ADGRV1: variants seen among roughly 807,000 people sequenced by gnomAD.
ADGRV1 encodes the protein adhesion G protein-coupled receptor V1, also known as G-protein coupled receptor 98.
ADGRV1 carries 359 observed loss-of-function variants against 596.2 expected under a neutral mutation model. The ratio of observed to expected loss-of-function variants is 0.60; its 90% CI spans 0.55 to 0.66. The LOEUF (loss-of-function observed/expected upper bound fraction) is 0.66. Ranked by LOEUF, ADGRV1 falls within the 30% of genes least tolerant of loss-of-function variation. ADGRV1 has a pLI of 0.00. For missense variants in ADGRV1, 7,274 were observed against 7,575.6 expected, an observed-to-expected ratio of 0.96 and a Z score of 1.48; for synonymous variants, 2,681 against 2,679.2, an observed-to-expected ratio of 1.00 and a Z score of -0.02.
chr5:90,749,743 A>G (rs571088592), intron 52 of ADGRV1, among the ~76,000 whole-genome samples: 1 of 152,342 alleles, frequency 6.6e-6, no homozygotes, highest in South Asian at 2.1e-4. Context: ...TTTGAGGAAC[A>G]GTTCATGAAA....
At chr5:90,567,532 T>A (rs1262313675) in intron 1 of ADGRV1, among the ~76,000 whole-genome samples, 1 of 152,110 alleles carries the variant, frequency 6.6e-6, no homozygotes. Flanking sequence ...TTTGAGTCAA[T>A]TTTGGATGTT....
At chr5:90,900,313 A>G (rs1405835212) in intron 83 of ADGRV1, among the ~76,000 whole-genome samples, 1 of 150,954 alleles carries the variant, frequency 6.6e-6, no homozygotes, top group East Asian at 1.9e-4. Flanking sequence ...ACTTCTGCTT[A>G]TAGACCATTG....
At chr5:90,652,684 A>T in intron 19 of ADGRV1, 121 bp downstream of exon 19, 1 of 620,076 alleles carries the variant, frequency 1.6e-6, no homozygotes, top group Non-Finnish European at 2.7e-6. Flanking sequence ...TTGTGTCATG[A>T]CTATCTGATT....
chr5:90,862,521 A>G (rs1362120010), intron 82 of ADGRV1, among the ~76,000 whole-genome samples: 2 of 152,168 alleles, frequency 1.3e-5, no homozygotes, highest in Non-Finnish European at 2.9e-5. Flanking sequence ...AGTAGTATAT[A>G]GACTACCTAA....
intron 89 of ADGRV1, among the ~76,000 whole-genome samples, chr5:91,155,499 T>C (rs1480881416): frequency 6.6e-6 from 1 of 152,226 alleles, no homozygotes; most frequent in Non-Finnish European, 1.5e-5. Flanking sequence ...CTCCCTTAGC[T>C]ATTCATAGTC....
rs371550135 is a variant in ADGRV1 at position 91,157,071 on chromosome 5, A to C, written c.18802+3673A>C. ...TTGGACATGAGCTCTTCCACTGTCT[A>C]GTGCCTACTAGGCCCATGTCACTGG... On this transcript the variant is annotated intron_variant, in intron 89 of 89. Transcript: ENST00000405460. Among the ~76,000 whole-genome samples the C allele has an allele frequency of 1.1e-4, 17 of 152,310 alleles. No individual in the cohort carries two copies. The East Asian group carries it at 3.3e-3, about 29-fold the overall frequency.
Position 91,102,271 on chromosome 5 carries a change from G to C in ADGRV1, c.18363G>C (p.Trp6121Cys). ...CTCTGATTTCCGTGACATGGCTTTG[G>C]GGAGGACTACACATGGCCTACAGAC... ...LFALISVTWL[W>C]GGLHMAYRHF... Residue 6121 changes from tryptophan to cysteine, a missense_variant, in exon 87 of 90, where the codon TGG (tryptophan) becomes TGC (cysteine). Trp to Cys is a radical substitution (Grantham distance 215). This residue lies in a region of ADGRV1 where 1,874 missense variants were observed against 1,970.2 expected (regional missense o/e 0.95). Transcript: ENST00000405460. 1 of 1,610,774 alleles carries C rather than the reference G, an allele frequency of 6.2e-7. No individual in the cohort carries two copies. The highest frequency in any genetic ancestry group is 1.1e-5 in the South Asian group (1 of 90,618).
At chr5:90,716,829 T>A in intron 43 of ADGRV1, 100 bp downstream of exon 43, 1 of 815,610 alleles carries the variant, frequency 1.2e-6, no homozygotes, top group Non-Finnish European at 1.9e-6. Context: ...GAAAAAACAA[T>A]ACTTCCAGCT....
At chr5:91,132,304 T>C (rs946643376) in intron 87 of ADGRV1, among the ~76,000 whole-genome samples, 4 of 152,340 alleles carry the variant, frequency 2.6e-5, no homozygotes, top group Admixed American at 6.5e-5. Context: ...TCCTTGGAAT[T>C]TTTTTATAAA....
At chr5:90,771,833 T>A (rs1401981687) in intron 59 of ADGRV1, among the ~76,000 whole-genome samples, 1 of 152,202 alleles carries the variant, frequency 6.6e-6, no homozygotes, top group Non-Finnish European at 1.5e-5. Flanking sequence ...TTGAGCTAAG[T>A]AGGCTCTTTC....
chr5:90,668,977 T>C (rs920578775), intron 21 of ADGRV1, among the ~76,000 whole-genome samples: 1 of 152,224 alleles, frequency 6.6e-6, no homozygotes, highest in Non-Finnish European at 1.5e-5. Context: ...ATTATACATT[T>C]CTTAGTGTCT....
intron 83 of ADGRV1, among the ~76,000 whole-genome samples, chr5:90,888,262 A>T (rs573903387): frequency 4.6e-5 from 7 of 152,302 alleles, no homozygotes; most frequent in South Asian, 2.1e-4. Flanking sequence ...ACTGACTACC[A>T]TATAACTCTG....
intron 83 of ADGRV1, among the ~76,000 whole-genome samples, chr5:90,894,645 A>G (rs1771128843): frequency 6.6e-6 from 1 of 152,162 alleles, no homozygotes; most frequent in South Asian, 2.1e-4. Flanking sequence ...GACTTCCCAG[A>G]CTCCAGTGAG....
intron 1 of ADGRV1, among the ~76,000 whole-genome samples, chr5:90,598,996 C>A (rs1580404543): frequency 2.0e-5 from 3 of 152,032 alleles, no homozygotes; most frequent in African/African-American, 4.8e-5. Context: ...AACAAAAAAA[C>A]CCACCAAATC....
At chr5:90,851,134 T>TGTGTGTGTGAGAGAGAGAGAGAGA (rs757909771) in intron 79 of ADGRV1, among the ~76,000 whole-genome samples, 26 of 81,496 alleles carry the variant, frequency 3.2e-4, no homozygotes, top group Admixed American at 5.6e-4. Context: ...TGTGTGTGTG[T>TGTGTGTGTGAGAGAGAGAGAGAGA]GAGAGAGAGA....
At chr5:91,025,331 A>C (rs1015861698) in intron 85 of ADGRV1, among the ~76,000 whole-genome samples, 1 of 143,100 alleles carries the variant, frequency 7.0e-6, no homozygotes, top group African/African-American at 2.6e-5. Flanking sequence ...CTAAGGGCAA[A>C]AGGAAGATTT....
At chr5:90,721,566 T>TAAATAAAA (rs1751003120) in intron 45 of ADGRV1, among the ~76,000 whole-genome samples, 2 of 115,016 alleles carry the variant, frequency 1.7e-5, no homozygotes, top group African/African-American at 7.0e-5. Flanking sequence ...TAAAATAAAA[T>TAAATAAAA]AAAATAAAAT....
rs370623776 is a variant in ADGRV1 at position 90,802,735 on chromosome 5, A to G, written c.14518-4A>G. ...TCTAAATCACTGACACTGTTTGTTTATAGGTCTTCCTATCACTGGGCTCTA... is the reference window on the plus strand; with the variant it reads ...TCTAAATCACTGACACTGTTTGTTTGTAGGTCTTCCTATCACTGGGCTCTA... On this transcript the variant is annotated splice_polypyrimidine_tract_variant and splice_region_variant and intron_variant, in intron 70 of 89. Transcript: ENST00000405460. The G allele has an allele frequency of 2.5e-6, 4 of 1,609,036 alleles. No homozygotes were observed. Among genetic ancestry groups the G allele is most frequent in the African/African-American group, 2.7e-5 (2 of 74,816 alleles).
At chr5:90,722,434 G>A (rs1751174218) in intron 45 of ADGRV1, among the ~76,000 whole-genome samples, 2 of 151,058 alleles carry the variant, frequency 1.3e-5, no homozygotes, top group South Asian at 2.1e-4. Context: ...TGCTGGGCCG[G>A]GCGCGGTGGT....
Sources: gnomAD v4.1 joint callset for allele counts (sites outside exome capture counted in the v4.1 genomes callset) on GRCh38, gnomAD v4.1.1 for gene constraint, gnomAD v4.1.1 regional missense constraint, MANE v1.5 for transcripts, NCBI Gene and HGNC (gene_info 2026-07-23, HGNC 2026-07-21) for gene names.